TLN2: variants seen among roughly 807,000 people sequenced by gnomAD.
TLN2 encodes the protein talin-2.
In TLN2, 118 loss-of-function variants were observed where a neutral mutation model predicts 294.7. That is an observed-to-expected ratio of 0.40 (90% CI 0.34 to 0.47). The LOEUF is 0.47. Among genes scored for constraint, TLN2 ranks in the 20% least tolerant of loss-of-function variants. The pLI, the probability that TLN2 is intolerant of heterozygous loss-of-function variation, is 0.84. For missense variants in TLN2, 3,083 were observed against 3,282.2 expected (o/e 0.94, Z 1.48); for synonymous variants, 1,431 against 1,304.5 (o/e 1.10, Z -2.09).
intron 52 of TLN2, among the ~76,000 whole-genome samples, 166 bp downstream of exon 52, chr15:62,810,198 G>A (rs764172847): frequency 1.3e-5 from 2 of 152,102 alleles, no homozygotes; most frequent in Admixed American, 6.5e-5. Flanking sequence ...GCACTGATCC[G>A]GCACACTGAG....
chr15:62,635,131 CTAA>C (rs1304704173), intron 3 of TLN2, among the ~76,000 whole-genome samples: 71 of 152,252 alleles, frequency 4.7e-4, no homozygotes, highest in African/African-American at 1.7e-3. Context: ...ATTCATTTAA[CTAA>C]CGCATAAATC....
intron 1 of TLN2, among the ~76,000 whole-genome samples, chr15:62,567,329 T>C (rs1025178895): frequency 1.3e-5 from 2 of 152,246 alleles, no homozygotes; most frequent in Non-Finnish European, 2.9e-5. Context: ...GATTACTAGT[T>C]CAAGGCAGTG....
chr15:62,426,790 C>A (rs2034740550), intron 1 of TLN2, among the ~76,000 whole-genome samples: 1 of 152,078 alleles, frequency 6.6e-6, no homozygotes, highest in Admixed American at 6.5e-5. Context: ...ACAGAGTTGA[C>A]CACAGTGGCT....
At chr15:62,578,766 C>T (rs761487496) in intron 1 of TLN2, among the ~76,000 whole-genome samples, 1 of 152,156 alleles carries the variant, frequency 6.6e-6, no homozygotes, top group Non-Finnish European at 1.5e-5. Context: ...CTCGCATCAG[C>T]TCGTGAGGGA....
chr15:62,501,319 T>C (rs1411212611), intron 1 of TLN2, among the ~76,000 whole-genome samples: 1 of 152,132 alleles, frequency 6.6e-6, no homozygotes, highest in Non-Finnish European at 1.5e-5. Flanking sequence ...CACATGTGTC[T>C]CTCTTTGCCT....
In TLN2 at chr15:62,692,949, G is replaced by A. The variant is rs749103758; in HGVS notation, c.1215+8G>A. ...GACATCATCCTGAAAAAGGTATTTT[G>A]TATTGATGCAAATTGGAAAAGCAAG... On this transcript the variant is annotated splice_region_variant and intron_variant, in intron 13 of 58. Transcript: ENST00000636159. 6.2e-7 allele frequency: 1 copy of A among 1,601,228 alleles called. No homozygotes were observed. The highest frequency in any genetic ancestry group is 1.3e-5 in the African/African-American group (1 of 74,158).
chr15:62,822,541 G>A (rs912311513), intron 54 of TLN2, among the ~76,000 whole-genome samples: 1 of 152,134 alleles, frequency 6.6e-6, no homozygotes, highest in Non-Finnish European at 1.5e-5. Flanking sequence ...ACCTTGCCAG[G>A]GTCCGACCAC....
At chr15:62,817,397 G>A (rs927032370) in intron 52 of TLN2, among the ~76,000 whole-genome samples, 2 of 152,154 alleles carry the variant, frequency 1.3e-5, no homozygotes, top group African/African-American at 4.8e-5. Context: ...GTGAGAGAGT[G>A]AGAATCACAG....
At chr15:62,741,964 A>G (rs886077931) in intron 32 of TLN2, among the ~76,000 whole-genome samples, 2 of 145,478 alleles carry the variant, frequency 1.4e-5, no homozygotes, top group Non-Finnish European at 3.0e-5. Flanking sequence ...CTCTCAGCAC[A>G]TAAGATCTCA....
chr15:62,435,695 C>T (rs763570932), intron 1 of TLN2, among the ~76,000 whole-genome samples: 18 of 152,158 alleles, frequency 1.2e-4, no homozygotes, highest in Non-Finnish European at 2.5e-4. Context: ...GCGCCTACCA[C>T]CTTGCCTGGC....
intron 51 of TLN2, among the ~76,000 whole-genome samples, chr15:62,808,615 A>C (rs1301815215): frequency 2.0e-5 from 3 of 152,164 alleles, no homozygotes; most frequent in Admixed American, 1.3e-4. Flanking sequence ...CACTCCCTAC[A>C]CACGGGCTTG....
chr15:62,821,018 C>G (rs2067520729), intron 54 of TLN2, among the ~76,000 whole-genome samples: 1 of 152,194 alleles, frequency 6.6e-6, no homozygotes, highest in African/African-American at 2.4e-5. Flanking sequence ...ATGAGAACTT[C>G]AAAAGTGCAC....
At chr15:62,538,810 T>C (rs891305290) in intron 1 of TLN2, among the ~76,000 whole-genome samples, 1 of 152,098 alleles carries the variant, frequency 6.6e-6, no homozygotes, top group African/African-American at 2.4e-5. Context: ...TTCTGAAAAA[T>C]TGTTACAATT....
rs189918978 is a variant in TLN2 at position 62,524,560 on chromosome 15, A to G, written c.-237-65127A>G. Among the ~76,000 whole-genome samples, 10 of 152,258 alleles carry G rather than the reference A, an allele frequency of 6.6e-5. No homozygotes were observed. In the East Asian group the frequency reaches 1.5e-3, roughly 24 times the overall value. ...GATAGGACTTCAGATCCCTACCTTG[A>G]AGTAGCCTCCCTACCTTGAAGTAGC... On this transcript the variant is annotated intron_variant, in intron 1 of 58. Coordinates refer to ENST00000636159, the MANE Select transcript of TLN2 (RefSeq NM_015059.3).
intron 55 of TLN2, 119 bp downstream of exon 55, chr15:62,833,748 C>G (rs2069135317): frequency 7.2e-7 from 1 of 1,392,080 alleles, no homozygotes; most frequent in South Asian, 1.5e-5. Flanking sequence ...CCTTCCCTCC[C>G]TGAATTGCCA....
intron 1 of TLN2, among the ~76,000 whole-genome samples, chr15:62,439,178 A>G (rs2035428628): frequency 6.6e-6 from 1 of 152,204 alleles, no homozygotes; most frequent in Non-Finnish European, 1.5e-5. Context: ...AGATTATGAC[A>G]CTTTACTATG....
intron 45 of TLN2, among the ~76,000 whole-genome samples, chr15:62,787,170 C>T (rs2064729765): frequency 6.6e-6 from 1 of 152,188 alleles, no homozygotes; most frequent in South Asian, 2.1e-4. Context: ...GCTGGGATTA[C>T]AGATGTGAGC....
At chr15:62,748,489 C>CTGTGTCTG (rs372816910) in intron 33 of TLN2, 45 bp downstream of exon 33, 17 of 1,416,898 alleles carry the variant, frequency 1.2e-5, no homozygotes, top group South Asian at 2.3e-5. Flanking sequence ...GAGGGAGTGT[C>CTGTGTCTG]TGTGTCTGTG....
chr15:62,479,004 T>C (rs2037936727), intron 1 of TLN2, among the ~76,000 whole-genome samples: 1 of 152,246 alleles, frequency 6.6e-6, no homozygotes, highest in Non-Finnish European at 1.5e-5. Context: ...GCTATCACTT[T>C]TGTGTTACAA....
Sources: gnomAD v4.1 joint callset for allele counts (sites outside exome capture counted in the v4.1 genomes callset) on GRCh38, gnomAD v4.1.1 for gene constraint, MANE v1.5 for transcripts, NCBI Gene and HGNC (gene_info 2026-07-23, HGNC 2026-07-21) for gene names.